The following NRXN3 variants were observed in gnomAD, a reference collection of about 807,000 sequenced individuals.
NRXN3 encodes the protein neurexin 3.
A neutral mutation model predicts 137.6 loss-of-function variants in NRXN3; 32 were observed. The observed-to-expected ratio is 0.23, with a 90% CI of 0.18 to 0.31. NRXN3 has a LOEUF of 0.31. NRXN3 is among the 10% of genes least tolerant of loss of function. NRXN3 has a pLI of 1.00. For missense variants in NRXN3, 1,574 were observed against 2,062.5 expected, an observed-to-expected ratio of 0.76 and a Z score of 4.59; for synonymous variants, 798 against 784.5, an observed-to-expected ratio of 1.02 and a Z score of -0.29.
chr14:78,582,652 G>GC (rs1375470762), intron 4 of NRXN3, among the ~76,000 whole-genome samples: 6 of 152,228 alleles, frequency 3.9e-5, no homozygotes, highest in Admixed American at 1.3e-4. Context: ...TAGCATGAAG[G>GC]CCCTTGTAAA....
At chr14:78,571,001 C>A (rs1038173660) in intron 4 of NRXN3, among the ~76,000 whole-genome samples, 1 of 152,176 alleles carries the variant, frequency 6.6e-6, no homozygotes, top group African/African-American at 2.4e-5. Context: ...CCGCTGGGCC[C>A]TGTGGGGACA....
At chr14:79,153,566 C>T (rs1253790797) in intron 15 of NRXN3, among the ~76,000 whole-genome samples, 6 of 151,896 alleles carry the variant, frequency 4.0e-5, no homozygotes, top group Admixed American at 6.6e-5. Flanking sequence ...ATATCTCAAT[C>T]ACCTTTACTG....
intron 17 of NRXN3, among the ~76,000 whole-genome samples, chr14:79,675,875 G>A (rs957820851): frequency 6.6e-6 from 1 of 152,048 alleles, no homozygotes. Flanking sequence ...ATAAGCCGTG[G>A]TGATTTAAAT....
chr14:78,949,337 T>C (rs1311047943), intron 10 of NRXN3, among the ~76,000 whole-genome samples: 1 of 152,212 alleles, frequency 6.6e-6, no homozygotes, highest in Non-Finnish European at 1.5e-5. Context: ...TTTACTACTA[T>C]ATGGAATGCT....
chr14:78,300,601 C>T (rs1244313963), intron 4 of NRXN3: 3 of 1,038,484 alleles, frequency 2.9e-6, no homozygotes, highest in Non-Finnish European at 4.3e-6. Flanking sequence ...ACTCTCCTTG[C>T]TCTCTCTCTG....
At chr14:79,058,679 A>C (rs746345763) in intron 15 of NRXN3, among the ~76,000 whole-genome samples, 11 of 152,044 alleles carry the variant, frequency 7.2e-5, no homozygotes, top group Non-Finnish European at 1.6e-4. Flanking sequence ...CCCCACCCAA[A>C]TCTCATCTCA....
intron 15 of NRXN3, among the ~76,000 whole-genome samples, chr14:79,421,865 G>A (rs2095580738): frequency 6.6e-6 from 1 of 152,116 alleles, no homozygotes; most frequent in African/African-American, 2.4e-5. Context: ...TCTGTGCTTA[G>A]GTGATTTTCA....
intron 6 of NRXN3, among the ~76,000 whole-genome samples, chr14:78,652,934 A>G (rs571644742): frequency 2.6e-5 from 4 of 152,374 alleles, no homozygotes; most frequent in African/African-American, 9.6e-5. Flanking sequence ...TCAGTGGCAC[A>G]TACTAAATGC....
intron 15 of NRXN3, among the ~76,000 whole-genome samples, chr14:79,253,161 G>C (rs2076152593): frequency 6.6e-6 from 1 of 152,162 alleles, no homozygotes; most frequent in South Asian, 2.1e-4. Context: ...TTGTCTGTGT[G>C]TTTTGGGGAA....
At chr14:78,571,914 C>G (rs1299130669) in intron 4 of NRXN3, among the ~76,000 whole-genome samples, 1 of 152,198 alleles carries the variant, frequency 6.6e-6, no homozygotes, top group African/African-American at 2.4e-5. Context: ...GGGTTCACAA[C>G]TAAATGCTTC....
At chr14:78,727,225 G>T (rs902142062) in intron 8 of NRXN3, among the ~76,000 whole-genome samples, 1 of 152,108 alleles carries the variant, frequency 6.6e-6, no homozygotes, top group Non-Finnish European at 1.5e-5. Flanking sequence ...GGTGGGAGAG[G>T]GTTCTGTGTT....
intron 16 of NRXN3, among the ~76,000 whole-genome samples, chr14:79,538,890 T>A (rs2013792): frequency 0.069 from 10,575 of 152,296 alleles, 410 homozygotes; most frequent in Middle Eastern, 0.14. Flanking sequence ...TCATTCATTA[T>A]TTCTAAGTCA....
At chr14:79,696,014 T>C (rs2098734204) in intron 18 of NRXN3, among the ~76,000 whole-genome samples, 1 of 152,010 alleles carries the variant, frequency 6.6e-6, no homozygotes, top group Non-Finnish European at 1.5e-5. Context: ...TTGTAAATCA[T>C]TCTTGATTAA....
chr14:78,350,113 C>A (rs1171580207), intron 4 of NRXN3, among the ~76,000 whole-genome samples: 1 of 152,078 alleles, frequency 6.6e-6, no homozygotes, highest in African/African-American at 2.4e-5. Context: ...CATGGTGAAA[C>A]CCTGTCTCTA....
chr14:79,637,063 A>T (rs531234278), intron 16 of NRXN3, among the ~76,000 whole-genome samples: 1 of 152,292 alleles, frequency 6.6e-6, no homozygotes, highest in East Asian at 1.9e-4. Context: ...TTGTTCAAGG[A>T]TTGAGAGTGG....
intron 15 of NRXN3, among the ~76,000 whole-genome samples, chr14:79,274,350 T>G (rs1044787330): frequency 5.3e-5 from 8 of 152,184 alleles, no homozygotes; most frequent in Non-Finnish European, 8.8e-5. Flanking sequence ...ATAAAAAGTA[T>G]TCTCTAAATC....
chr14:78,900,822 G>A (rs2099193558), intron 10 of NRXN3, among the ~76,000 whole-genome samples: 1 of 151,916 alleles, frequency 6.6e-6, no homozygotes, highest in Non-Finnish European at 1.5e-5. Flanking sequence ...GAACTGTACT[G>A]CATATTGAAT....
At chr14:78,620,476 G>A (rs939254279) in intron 4 of NRXN3, among the ~76,000 whole-genome samples, 1 of 152,108 alleles carries the variant, frequency 6.6e-6, no homozygotes, top group Non-Finnish European at 1.5e-5. Flanking sequence ...TTTTATCAGA[G>A]GTACATGCCC....
intron 4 of NRXN3, among the ~76,000 whole-genome samples, chr14:78,464,826 A>G (rs1263629069): frequency 4.6e-5 from 7 of 152,260 alleles, no homozygotes. Flanking sequence ...TTTTGCTATG[A>G]GAGTTTAGGG....
Sources: gnomAD v4.1 joint callset for allele counts (sites outside exome capture counted in the v4.1 genomes callset) on GRCh38, gnomAD v4.1.1 for gene constraint, MANE v1.5 for transcripts, NCBI Gene and HGNC (gene_info 2026-07-23, HGNC 2026-07-21) for gene names.